CRYL1: variants seen among roughly 807,000 people sequenced by gnomAD.
CRYL1 encodes the protein crystallin lambda 1, also known as lambda-crystallin homolog.
CRYL1 carries 29 observed loss-of-function variants against 36.6 expected under a neutral mutation model. That is an observed-to-expected ratio of 0.79 (90% CI 0.59 to 1.08). The LOEUF (loss-of-function observed/expected upper bound fraction) is 1.08, where lower values mean the gene tolerates loss of function less well. Ranked by LOEUF, CRYL1 falls within the 50% of genes least tolerant of loss-of-function variation. The pLI is 0.00. For missense variants in CRYL1, 411 were observed against 407.9 expected, an observed-to-expected ratio of 1.01 and a Z score of -0.06; for synonymous variants, 152 against 151.5, an observed-to-expected ratio of 1.00 and a Z score of -0.02.
intron 3 of CRYL1, among the ~76,000 whole-genome samples, chr13:20,470,626 C>T (rs917284919): frequency 2.0e-5 from 3 of 152,156 alleles, no homozygotes; most frequent in Admixed American, 6.5e-5. Context: ...AACCATGACC[C>T]GGCCAGGCGC....
chr13:20,431,989 C>G (rs775734936), intron 5 of CRYL1, 113 bp downstream of exon 5: 1 of 1,574,244 alleles, frequency 6.4e-7, no homozygotes. Flanking sequence ...TCTGACTTTC[C>G]CAGCTTCCAG....
chr13:20,512,402 G>C (rs748780907), intron 2 of CRYL1, 41 bp downstream of exon 2: 1 of 1,381,864 alleles, frequency 7.2e-7, no homozygotes, highest in Admixed American at 1.8e-5. Flanking sequence ...GAGAGAAACA[G>C]ACCCACTTCC....
rs145892539 is a variant in CRYL1, at chr13:20,466,318, T to C, written c.276+23052A>G. On this transcript the variant is annotated intron_variant, in intron 3 of 7. Coordinates refer to ENST00000298248, the MANE Select transcript of CRYL1 (RefSeq NM_015974.3). ...AAAGGAAAAGATGGGTAAATTTGACTGCATTGAAAAAATTTTTAAGTATGT... is the reference window on the plus strand; with the variant it reads ...AAAGGAAAAGATGGGTAAATTTGACCGCATTGAAAAAATTTTTAAGTATGT... 3.9e-3 allele frequency among the ~76,000 whole-genome samples: 590 copies of C among 152,318 alleles called. 4 individuals carry two copies. The highest frequency in any genetic ancestry group is 0.014 in the African/African-American group (571 of 41,582).
chr13:20,505,359 CAAAAAAAA>C (rs61380702), intron 2 of CRYL1, among the ~76,000 whole-genome samples: 6 of 91,220 alleles, frequency 6.6e-5, no homozygotes, highest in South Asian at 4.7e-4. Context: ...TCTATCCCAC[CAAAAAAAA>C]AAAAAAAAAA....
chr13:20,471,816 T>C (rs561420169), intron 3 of CRYL1, among the ~76,000 whole-genome samples: 1 of 152,128 alleles, frequency 6.6e-6, no homozygotes, highest in South Asian at 2.1e-4. Context: ...TCTCTCTTTC[T>C]TTCCCTCTCT....
chr13:20,403,910 C>A lies in CRYL1; in HGVS notation c.*219G>T. 5.1e-6 allele frequency: 2 copies of A among 391,190 alleles called. No individual in the cohort carries two copies. The highest frequency in any genetic ancestry group is 4.1e-5 in the East Asian group (1 of 24,644). The allele number at this position is 391,190 out of a possible 1,614,324, so 24.2% of individuals were successfully genotyped here. A position where few individuals can be genotyped will look rare whatever the true frequency, so the allele number is the denominator to read the frequency against. Reference sequence around the variant, plus strand: ...GCCCAGGTGGCAGGAAATCGACAGCCCCGAGAACGCAAGTGCTGCTGTGCC... The same window carrying A: ...GCCCAGGTGGCAGGAAATCGACAGCACCGAGAACGCAAGTGCTGCTGTGCC... On this transcript the variant is annotated 3_prime_UTR_variant, in exon 8 of 8. Transcript: ENST00000298248.
chr13:20,439,157 C>T (rs909759432), intron 4 of CRYL1, among the ~76,000 whole-genome samples: 1 of 152,172 alleles, frequency 6.6e-6, no homozygotes, highest in Non-Finnish European at 1.5e-5. Flanking sequence ...GTAAACTACA[C>T]AGTGCAAGTG....
chr13:20,409,740 C>T (rs1437503869), intron 6 of CRYL1, among the ~76,000 whole-genome samples: 1 of 151,600 alleles, frequency 6.6e-6, no homozygotes, highest in Non-Finnish European at 1.5e-5. Context: ...ACAGACACTT[C>T]TCAAAAGAAG....
At chr13:20,416,790 T>C (rs960426920) in intron 5 of CRYL1, among the ~76,000 whole-genome samples, 1 of 152,142 alleles carries the variant, frequency 6.6e-6, no homozygotes, top group Non-Finnish European at 1.5e-5. Context: ...TTGGTTTGTA[T>C]CATCTGAGCT....
At position 20,406,817 on chromosome 13, in the gene CRYL1, C is replaced by T. The variant is rs115932775; in HGVS notation, c.740-2076G>A. ...GAGCTGCTGTGGCTGCATATCCCCC[C>T]ACTTGCAGGCAGGCAGGCGCCCTCA... On this transcript the variant is annotated intron_variant, in intron 6 of 7. Coordinates refer to ENST00000298248, the MANE Select transcript of CRYL1 (RefSeq NM_015974.3). 9.2e-3 allele frequency among the ~76,000 whole-genome samples: 1,402 copies of T among 151,876 alleles called. 26 individuals are homozygous for T. The highest frequency in any genetic ancestry group is 0.031 in the African/African-American group (1,278 of 41,462).
At chr13:20,482,773 G>C (rs1455874783) in intron 3 of CRYL1, among the ~76,000 whole-genome samples, 2 of 152,096 alleles carry the variant, frequency 1.3e-5, no homozygotes, top group African/African-American at 4.8e-5. Context: ...GTGTGTGTGC[G>C]CACGCACACA....
At chr13:20,490,221 TC>T (rs2033483255) in intron 2 of CRYL1, among the ~76,000 whole-genome samples, 1 of 152,132 alleles carries the variant, frequency 6.6e-6, no homozygotes. Context: ...TGAAACCTCA[TC>T]TCTACTAAAA....
intron 2 of CRYL1, among the ~76,000 whole-genome samples, chr13:20,491,874 G>A (rs1182478755): frequency 6.6e-6 from 1 of 152,218 alleles, no homozygotes; most frequent in African/African-American, 2.4e-5. Flanking sequence ...TCATCTGGAA[G>A]TTTACTAGTT....
intron 7 of CRYL1, 111 bp from the exon 8 acceptor site, chr13:20,404,353 A>T (rs2031308961): frequency 2.7e-6 from 2 of 739,190 alleles, no homozygotes; most frequent in Non-Finnish European, 4.5e-6. Context: ...TCAAAGACAA[A>T]AGCAATAAAC....
intron 3 of CRYL1, among the ~76,000 whole-genome samples, chr13:20,467,170 C>A (rs1018356924): frequency 2.6e-4 from 39 of 151,698 alleles, no homozygotes; most frequent in Non-Finnish European, 4.4e-4. Flanking sequence ...GATGGTCTCA[C>A]TCTCCTGACC....
At chr13:20,520,379 A>G (rs1266044713) in intron 1 of CRYL1, among the ~76,000 whole-genome samples, 1 of 152,138 alleles carries the variant, frequency 6.6e-6, no homozygotes, top group East Asian at 1.9e-4. Flanking sequence ...GGGAGGGAGC[A>G]TGGTGCTTTG....
intron 2 of CRYL1, among the ~76,000 whole-genome samples, chr13:20,507,368 A>G (rs2033811624): frequency 6.6e-6 from 1 of 152,206 alleles, no homozygotes. Flanking sequence ...TTACTTTACA[A>G]CGAACGGCTG....
chr13:20,405,292 G>A (rs1438976612), intron 6 of CRYL1, among the ~76,000 whole-genome samples: 1 of 151,370 alleles, frequency 6.6e-6, no homozygotes, highest in South Asian at 2.1e-4. Context: ...AAAAGTGCCA[G>A]GTCCCTCAGA....
At position 20,454,409 on chromosome 13, in the gene CRYL1, A is replaced by G. The variant is rs140508922; in HGVS notation, c.277-14655T>C. On this transcript the variant is annotated intron_variant, in intron 3 of 7. Coordinates refer to ENST00000298248, the MANE Select transcript of CRYL1 (RefSeq NM_015974.3). The stretch of plus-strand genomic sequence containing the variant: ...AATCAGTTCACAAAATTCAACCCCC[A>G]TTCGTGTTTGTTTTTTTTTTTTTTT... Among the ~76,000 whole-genome samples the G allele has an allele frequency of 5.0e-4, 69 of 139,340 alleles. No individual in the cohort carries two copies. The East Asian group carries it at 0.013, about 26-fold the overall frequency. The allele number at this position is 139,340 out of a possible 152,430, so 91.4% of individuals were successfully genotyped here.
Sources: allele counts gnomAD v4.1 joint callset (sites outside exome capture counted in the v4.1 genomes callset), GRCh38; gene constraint gnomAD v4.1.1; transcripts MANE v1.5; gene names NCBI Gene and HGNC (gene_info 2026-07-23, HGNC 2026-07-21).